Variants in BCAS3 observed in about 807,000 individuals in gnomAD.
BCAS3 encodes BCAS3 microtubule associated cell migration factor, also known as BCAS4/BCAS3 fusion.
BCAS3 carries 53 observed loss-of-function variants against 116.1 expected under a neutral mutation model. The observed-to-expected ratio is 0.46, with a 90% CI of 0.37 to 0.57. The LOEUF (loss-of-function observed/expected upper bound fraction) is 0.57, where lower values mean the gene tolerates loss of function less well. BCAS3 is among the 20% of genes least tolerant of loss of function. The pLI, the probability that BCAS3 is intolerant of heterozygous loss-of-function variation, is 0.00. For synonymous variants in BCAS3, 391 were observed against 408.2 expected (o/e 0.96, Z 0.51); for missense variants, 917 against 1,165.4 (o/e 0.79, Z 3.10).
intron 5 of BCAS3, among the ~76,000 whole-genome samples, chr17:60,730,160 G>A (rs1405352535): frequency 1.3e-5 from 2 of 152,256 alleles, no homozygotes; most frequent in East Asian, 1.9e-4. Context: ...GAGTTCAAAC[G>A]GCTTTTGTTT....
intron 5 of BCAS3, among the ~76,000 whole-genome samples, chr17:60,744,699 C>G (rs187810119): frequency 6.6e-6 from 1 of 151,912 alleles, no homozygotes; most frequent in East Asian, 1.9e-4. Context: ...TCTGCTCCCC[C>G]CAACCCCCAC....
At chr17:60,765,249 A>G (rs534825135) in intron 6 of BCAS3, among the ~76,000 whole-genome samples, 1 of 152,172 alleles carries the variant, frequency 6.6e-6, no homozygotes, top group East Asian at 1.9e-4. Context: ...TTAGCTAGTT[A>G]TTTTGCCCAT....
At chr17:61,234,450 T>C (rs1042441397) in intron 22 of BCAS3, among the ~76,000 whole-genome samples, 1 of 152,200 alleles carries the variant, frequency 6.6e-6, no homozygotes, top group African/African-American at 2.4e-5. Context: ...TAAACTGTTG[T>C]ATAGGATTAA....
At chr17:61,031,560 T>A (rs1430477647) in intron 16 of BCAS3, among the ~76,000 whole-genome samples, 1 of 152,122 alleles carries the variant, frequency 6.6e-6, no homozygotes, top group Non-Finnish European at 1.5e-5. Flanking sequence ...TTTTTATTCC[T>A]CTGCAAATCT....
rs928853694 is a variant in BCAS3, at chr17:61,368,147, ACT to A, written c.2426-174_2426-173del. On this transcript the variant is annotated intron_variant, in intron 22 of 23. Transcript: ENST00000407086. The surrounding 1 kb of genome is among the most constrained non-coding windows in gnomAD (Gnocchi z 6.0). ...CACGGAAGTCACTCCAGAGGTCTGCACTCTCTCAGCGGCATGAGCTATTTCTC... is the reference window on the plus strand; with the variant it reads ...CACGGAAGTCACTCCAGAGGTCTGCACTCTCAGCGGCATGAGCTATTTCTC... The A allele has an allele frequency of 9.4e-5, 52 of 553,810 alleles. No individual in the cohort carries two copies. Among genetic ancestry groups the A allele is most frequent in the African/African-American group, 8.5e-4 (46 of 54,032 alleles). 34.3% of individuals were successfully genotyped at this position (553,810 alleles called of 1,614,324 possible).
At chr17:60,821,047 A>T (rs757638108) in intron 7 of BCAS3, among the ~76,000 whole-genome samples, 72 of 152,108 alleles carry the variant, frequency 4.7e-4, no homozygotes, top group Non-Finnish European at 8.7e-4. Flanking sequence ...CCCGGGTTCA[A>T]GTGATTCTCC....
intron 3 of BCAS3, chr17:60,687,983 CCTT>C (rs1163233878): frequency 3.9e-5 from 6 of 152,182 alleles, no homozygotes; most frequent in African/African-American, 1.4e-4. Context: ...CACTGAAAGA[CCTT>C]CTTTGACCTT....
At chr17:60,867,898 TC>T (rs1212691494) in intron 7 of BCAS3, among the ~76,000 whole-genome samples, 12 of 152,174 alleles carry the variant, frequency 7.9e-5, no homozygotes, top group Admixed American at 3.3e-4. Context: ...TAGTTTTTGT[TC>T]GTTAGTTTTA....
intron 13 of BCAS3, among the ~76,000 whole-genome samples, chr17:60,935,677 C>A (rs963903624): frequency 4.6e-5 from 7 of 152,160 alleles, no homozygotes; most frequent in Non-Finnish European, 8.8e-5. Context: ...CAATTTGATA[C>A]AGCATGCTTG....
chr17:60,837,509 A>G (rs771575251), intron 7 of BCAS3, among the ~76,000 whole-genome samples: 1 of 152,224 alleles, frequency 6.6e-6, no homozygotes, highest in Non-Finnish European at 1.5e-5. Flanking sequence ...AGGTAATATT[A>G]TACAACTTTT....
rs2143252038 is a variant in BCAS3 at position 61,056,473 on chromosome 17, CTTTATT to C, written c.2029+15584_2029+15589del. Among the ~76,000 whole-genome samples the C allele has an allele frequency of 6.6e-6, 1 of 152,000 alleles. No homozygotes were observed. Among genetic ancestry groups the C allele is most frequent in the Non-Finnish European group, 1.5e-5 (1 of 67,972 alleles). ...AGGCAAATTAAAATTTTAACTTATACTTTATTTTAATTAAAGTATTTAAAATAAATT... is the reference window on the plus strand; with the variant it reads ...AGGCAAATTAAAATTTTAACTTATACTTAATTAAAGTATTTAAAATAAATT... On this transcript the variant is annotated intron_variant, in intron 19 of 23. Transcript: ENST00000407086. The surrounding 1 kb of genome is among the most constrained non-coding windows in gnomAD (Gnocchi z 4.9).
intron 10 of BCAS3, among the ~76,000 whole-genome samples, chr17:60,901,058 A>C (rs2057859979): frequency 6.6e-6 from 1 of 151,968 alleles, no homozygotes; most frequent in African/African-American, 2.4e-5. Flanking sequence ...AAAATAAACA[A>C]AAAAAATCCA....
chr17:61,118,319 C>T lies in BCAS3; in HGVS notation c.2425+33755C>T, dbSNP rs2075598244. ...AGTCTCCAATGACAGTGCATTAGTGCTGGATGATACAGTCAAAGTCCAAAA... is the reference window on the plus strand; with the variant it reads ...AGTCTCCAATGACAGTGCATTAGTGTTGGATGATACAGTCAAAGTCCAAAA... On this transcript the variant is annotated intron_variant, in intron 22 of 23. Transcript: ENST00000407086. This position sits in a 1 kb window ranked among gnomAD's most constrained non-coding sequence, Gnocchi z 5.0. 6.6e-6 allele frequency among the ~76,000 whole-genome samples: 1 copy of T among 152,142 alleles called. No individual in the cohort carries two copies. The highest frequency in any genetic ancestry group is 1.5e-5 in the Non-Finnish European group (1 of 68,016).
At chr17:61,147,139 A>C (rs536185005) in intron 22 of BCAS3, among the ~76,000 whole-genome samples, 1 of 150,854 alleles carries the variant, frequency 6.6e-6, no homozygotes, top group African/African-American at 2.4e-5. Flanking sequence ...CAGTGGTGTG[A>C]TCTCGGCTCA....
chr17:60,769,030 G>T (rs1421220775), intron 6 of BCAS3, among the ~76,000 whole-genome samples: 1 of 152,180 alleles, frequency 6.6e-6, no homozygotes, highest in African/African-American at 2.4e-5. Context: ...AGTGGTGGGT[G>T]CCAGCTCTGG....
chr17:60,823,807 T>C (rs867930363), intron 7 of BCAS3, among the ~76,000 whole-genome samples: 1 of 152,208 alleles, frequency 6.6e-6, no homozygotes, highest in Non-Finnish European at 1.5e-5. Flanking sequence ...GAAGGCAGTC[T>C]TCCATCTTGT....
At chr17:60,681,439 G>A (rs1327558778) in intron 2 of BCAS3, among the ~76,000 whole-genome samples, 1 of 151,826 alleles carries the variant, frequency 6.6e-6, no homozygotes, top group Non-Finnish European at 1.5e-5. Context: ...GGCGGAGGTT[G>A]CAGTGAGCTG....
At chr17:61,006,325 A>G (rs760770237) in intron 15 of BCAS3, among the ~76,000 whole-genome samples, 1 of 152,134 alleles carries the variant, frequency 6.6e-6, no homozygotes, top group Non-Finnish European at 1.5e-5. Context: ...AGATCTAAGA[A>G]AATACACTTT....
At chr17:60,901,840 T>C (rs1029360543) in intron 10 of BCAS3, among the ~76,000 whole-genome samples, 1 of 152,232 alleles carries the variant, frequency 6.6e-6, no homozygotes. Context: ...GTTCTAATAC[T>C]CTACCCTTGT....
Sources: allele counts gnomAD v4.1 joint callset (sites outside exome capture counted in the v4.1 genomes callset), GRCh38; gene constraint gnomAD v4.1.1; non-coding constraint Gnocchi (gnomAD v3.1); transcripts MANE v1.5; gene names NCBI Gene and HGNC (gene_info 2026-07-23, HGNC 2026-07-21).